Variants in MYBPC1 observed in about 807,000 individuals in gnomAD.
The protein encoded by MYBPC1 is myosin binding protein C1, also known as myosin-binding protein C, slow-type.
A neutral mutation model predicts 147.1 loss-of-function variants in MYBPC1; 52 were observed. The observed-to-expected ratio is 0.35, with a 90% CI of 0.28 to 0.45. MYBPC1 has a LOEUF of 0.45. Among genes scored for constraint, MYBPC1 ranks in the 20% least tolerant of loss-of-function variants. The pLI is 1.00. For synonymous variants in MYBPC1, 477 were observed against 475.9 expected, an observed-to-expected ratio of 1.00 and a Z score of -0.03; for missense variants, 1,228 against 1,440.3, an observed-to-expected ratio of 0.85 and a Z score of 2.39.
In MYBPC1 at chr12:101,677,409, G is replaced by A; in HGVS notation, c.3109+15G>A. 6.2e-7 allele frequency: 1 copy of A among 1,613,680 alleles called. No individual in the cohort carries two copies. Among genetic ancestry groups the A allele is most frequent in the Non-Finnish European group, 8.5e-7 (1 of 1,179,894 alleles). On this transcript the variant is annotated intron_variant, in intron 27 of 31. Transcript: ENST00000361466. ...CGCCAGGGATGGTGAGTTGGGAATG[G>A]ACTGACATTTGAAAACCTTGGTTGA...
downstream of MYBPC1, among the ~76,000 whole-genome samples, chr12:101,690,291 T>C (rs900069373): frequency 2.6e-5 from 4 of 152,228 alleles, no homozygotes; most frequent in African/African-American, 9.6e-5. Context: ...GAGGCCATGC[T>C]CCAGACTCTC....
In MYBPC1 at chr12:101,678,256, C is replaced by G. The variant is rs376860081; in HGVS notation, c.3246+18C>G. ...ATCCTAAGGTACCATGTTCTTCTAT[C>G]ACATCAGTTAAAGTCCCTGTCTTGT... On this transcript the variant is annotated intron_variant, in intron 28 of 31. Coordinates refer to ENST00000361466, the MANE Select transcript of MYBPC1 (RefSeq NM_002465.4). 2 of 1,613,566 alleles carry G rather than the reference C, an allele frequency of 1.2e-6. No homozygotes were observed. The highest frequency in any genetic ancestry group is 1.7e-5 in the Admixed American group (1 of 60,022).
At chr12:101,636,025 A>T (rs1329289072) in intron 9 of MYBPC1, among the ~76,000 whole-genome samples, 4 of 152,156 alleles carry the variant, frequency 2.6e-5, no homozygotes, top group East Asian at 1.9e-4. Flanking sequence ...TTCAAGACAA[A>T]TTTTTTTAAA....
intron 22 of MYBPC1, among the ~76,000 whole-genome samples, chr12:101,666,045 T>C (rs1897345632): frequency 6.6e-6 from 1 of 151,614 alleles, no homozygotes; most frequent in South Asian, 2.1e-4. Flanking sequence ...CTCCTGATAC[T>C]GAGAAAGTCA....
At chr12:101,643,933 A>G (rs1209214315) in intron 11 of MYBPC1, among the ~76,000 whole-genome samples, 1 of 152,238 alleles carries the variant, frequency 6.6e-6, no homozygotes, top group Non-Finnish European at 1.5e-5. Flanking sequence ...TTTATCTTAT[A>G]AATTCTGTGG....
At chr12:101,679,761 G>A (rs1051940169) in intron 28 of MYBPC1, among the ~76,000 whole-genome samples, 1 of 151,994 alleles carries the variant, frequency 6.6e-6, no homozygotes, top group Non-Finnish European at 1.5e-5. Flanking sequence ...ATCAGGAAAA[G>A]GAAGTGAAGA....
At chr12:101,614,845 G>A in intron 2 of MYBPC1, 3 of 425,488 alleles carry the variant, frequency 7.1e-6, no homozygotes, top group South Asian at 4.7e-5. Context: ...CCATCCAAGG[G>A]GCTGAAGAAT....
At chr12:101,628,340 T>C (rs1344169459) in intron 5 of MYBPC1, among the ~76,000 whole-genome samples, 1 of 152,204 alleles carries the variant, frequency 6.6e-6, no homozygotes, top group Non-Finnish European at 1.5e-5. Context: ...GTTCTAAATG[T>C]GCTCCTATTA....
intron 1 of MYBPC1, among the ~76,000 whole-genome samples, chr12:101,603,899 C>T (rs181475857): frequency 6.6e-6 from 1 of 152,184 alleles, no homozygotes; most frequent in Admixed American, 6.5e-5. Context: ...CCACTGCACT[C>T]CTGCCTGGGT....
downstream of MYBPC1, among the ~76,000 whole-genome samples, chr12:101,689,002 C>T (rs1464243291): frequency 6.7e-6 from 1 of 150,234 alleles, no homozygotes; most frequent in Admixed American, 6.6e-5. Context: ...TTCGTGCCTT[C>T]AAGTAATTTA....
At chr12:101,676,621 C>T (rs1202485658) in intron 26 of MYBPC1, among the ~76,000 whole-genome samples, 3 of 152,058 alleles carry the variant, frequency 2.0e-5, no homozygotes, top group East Asian at 1.9e-4. Context: ...TGTGGTAGCA[C>T]GTGCCTGTAG....
At chr12:101,678,019 A>C in intron 27 of MYBPC1, 83 bp from the exon 28 acceptor site, 1 of 1,511,490 alleles carries the variant, frequency 6.6e-7, no homozygotes, top group Non-Finnish European at 9.2e-7. Flanking sequence ...GGAAGTTTTA[A>C]TCATGTGTAA....
At chr12:101,654,053 A>G (rs1034546831) in intron 18 of MYBPC1, among the ~76,000 whole-genome samples, 19 of 152,050 alleles carry the variant, frequency 1.2e-4, no homozygotes, top group Non-Finnish European at 2.6e-4. Context: ...AAAATACAAA[A>G]AAATTAGCCA....
At chr12:101,650,004 T>A (rs903945353) in intron 15 of MYBPC1, among the ~76,000 whole-genome samples, 1 of 152,244 alleles carries the variant, frequency 6.6e-6, no homozygotes, top group African/African-American at 2.4e-5. Flanking sequence ...GAAATCTTAC[T>A]TCCACATTTA....
chr12:101,625,316 A>T (rs1461864511), intron 3 of MYBPC1, among the ~76,000 whole-genome samples: 2 of 152,186 alleles, frequency 1.3e-5, no homozygotes, highest in African/African-American at 2.4e-5. Flanking sequence ...GGGGAGTCTT[A>T]TCATTAAGGT....
At chr12:101,666,380 TC>T (rs1265511479) in intron 22 of MYBPC1, 4 of 298,862 alleles carry the variant, frequency 1.3e-5, no homozygotes, top group Non-Finnish European at 2.6e-5. Flanking sequence ...TGTGCGCTGC[TC>T]CCCCGCAGAT....
Position 101,634,605 on chromosome 12 carries a change from G to A in MYBPC1, c.608G>A (p.Ser203Asn). The part of the protein sequence containing the change: ...NIDIRSAFKR[S>N]GEGQEDAGEL... ...GACATCAGATCTGCTTTCAAGAGAA[G>A]GTAACTCCAAAAGAAAAATCTAGAT... Residue 203 changes from serine to asparagine, a missense_variant and splice_region_variant, in exon 9 of 32, where the codon AGT (serine) becomes AAT (asparagine). Transcript: ENST00000361466. The A allele has an allele frequency of 6.2e-7, 1 of 1,611,546 alleles. No homozygotes were observed. The highest frequency in any genetic ancestry group is 8.5e-7 in the Non-Finnish European group (1 of 1,177,858).
intron 22 of MYBPC1, among the ~76,000 whole-genome samples, chr12:101,665,541 C>G (rs1231192165): frequency 6.6e-6 from 1 of 151,884 alleles, no homozygotes; most frequent in Non-Finnish European, 1.5e-5. Flanking sequence ...TGTTTTCTTT[C>G]TGCACTCTAG....
intron 18 of MYBPC1, among the ~76,000 whole-genome samples, chr12:101,658,130 C>T (rs1244974862): frequency 1.1e-5 from 1 of 90,446 alleles, no homozygotes; most frequent in South Asian, 3.4e-4. Flanking sequence ...GACTCCGTCT[C>T]AAAAAAAAAA....
Sources: gnomAD v4.1 joint callset for allele counts (sites outside exome capture counted in the v4.1 genomes callset) on GRCh38, gnomAD v4.1.1 for gene constraint, MANE v1.5 for transcripts, NCBI Gene and HGNC (gene_info 2026-07-23, HGNC 2026-07-21) for gene names.